AKR1C3: variants seen among roughly 807,000 people sequenced by gnomAD.
AKR1C3 encodes aldo-keto reductase family 1 member C3.
AKR1C3 carries 48 observed loss-of-function variants against 43.6 expected under a neutral mutation model. That is an observed-to-expected ratio of 1.10 (90% CI 0.87 to 1.40). The LOEUF (loss-of-function observed/expected upper bound fraction) is 1.40, where lower values mean the gene tolerates loss of function less well. AKR1C3 is among the 40% of genes most tolerant of loss of function. The pLI is 0.00. For missense variants in AKR1C3, 482 were observed against 391.2 expected (o/e 1.23, Z -1.96); for synonymous variants, 162 against 139.6 (o/e 1.16, Z -1.13).
chr10:5,095,021 A>G (rs1203082905), intron 1 of AKR1C3, among the ~76,000 whole-genome samples: 1 of 152,122 alleles, frequency 6.6e-6, no homozygotes, highest in East Asian at 1.9e-4. Context: ...CCGGACCTGG[A>G]CTAGAGTTTC....
intron 7 of AKR1C3, 141 bp downstream of exon 7, chr10:5,102,791 G>T (rs1379409376): frequency 1.4e-6 from 2 of 1,474,736 alleles, no homozygotes; most frequent in Admixed American, 2.4e-5. Context: ...CATCCTGAGG[G>T]TTTCTTCTAC....
At chr10:5,091,206 A>AG (rs1839081208), upstream of AKR1C3, among the ~76,000 whole-genome samples, 1 of 151,686 alleles carries the variant, frequency 6.6e-6, no homozygotes, top group South Asian at 2.1e-4. Context: ...CTTAGCAGAG[A>AG]GAAAAAAAAC....
intron 1 of AKR1C3, among the ~76,000 whole-genome samples, chr10:5,085,391 T>C (rs1554782964): frequency 6.6e-6 from 1 of 152,060 alleles, no homozygotes; most frequent in African/African-American, 2.4e-5. Context: ...TTGATTTGCA[T>C]ATGTTGAACC....
chr10:5,060,425 C>T (rs1343019927), intron 1 of AKR1C3, among the ~76,000 whole-genome samples: 21 of 152,318 alleles, frequency 1.4e-4, no homozygotes, highest in African/African-American at 4.3e-4. Context: ...CACAAAGGTT[C>T]TCCAAGTCCC....
At chr10:5,107,420 T>C (rs112181868) in intron 8 of AKR1C3, 41 bp from the exon 9 acceptor site, 4 of 1,344,080 alleles carry the variant, frequency 3.0e-6, no homozygotes, top group Non-Finnish European at 4.3e-6. Flanking sequence ...CCCCTAGTAA[T>C]GGAGTCATTG....
rs533964776 is a variant in AKR1C3 at position 5,064,486 on chromosome 10, A to G, written c.84+15591A>G. Among the ~76,000 whole-genome samples, 3 of 152,338 alleles carry G rather than the reference A, an allele frequency of 2.0e-5. No individual in the cohort carries two copies. In the South Asian group the frequency reaches 6.2e-4, roughly 32 times the overall value. Reference sequence around the variant, plus strand: ...AATAGGCCCTGGCAAAGATTTCATGATGAAGACACCAAAAGCAATTGCAAG... The same window carrying G: ...AATAGGCCCTGGCAAAGATTTCATGGTGAAGACACCAAAAGCAATTGCAAG... On this transcript the variant is annotated intron_variant, in intron 1 of 8. Coordinates refer to the AKR1C3 transcript ENST00000439082.
chr10:5,099,686 C>T (rs1050334198), intron 5 of AKR1C3: 1 of 631,532 alleles, frequency 1.6e-6, no homozygotes. Context: ...AGGGGAGGTC[C>T]ATTTGATCAG....
intron 1 of AKR1C3, among the ~76,000 whole-genome samples, chr10:5,053,134 G>A (rs916812415): frequency 7.2e-5 from 11 of 152,252 alleles, no homozygotes; most frequent in Non-Finnish European, 1.5e-4. Context: ...CCAGTCCCGT[G>A]CCATGCGCCC....
chr10:5,063,648 G>T (rs373894039), intron 1 of AKR1C3, among the ~76,000 whole-genome samples: 1 of 150,850 alleles, frequency 6.6e-6, no homozygotes, highest in Non-Finnish European at 1.5e-5. Flanking sequence ...TAAGCCAGGT[G>T]TAGTGGTGCA....
chr10:5,064,467 C>T (rs1201079171), intron 1 of AKR1C3, among the ~76,000 whole-genome samples: 2 of 152,114 alleles, frequency 1.3e-5, no homozygotes, highest in East Asian at 1.9e-4. Flanking sequence ...CTGAAATAGG[C>T]CCTGGCAAAG....
At chr10:5,097,903 C>T in intron 3 of AKR1C3, 1 of 1,085,982 alleles carries the variant, frequency 9.2e-7, no homozygotes, top group Non-Finnish European at 1.1e-6. Context: ...AAAACTGCTG[C>T]ACATGTGATG....
At chr10:5,050,155 C>T (rs1340764266) in intron 1 of AKR1C3, among the ~76,000 whole-genome samples, 3 of 152,232 alleles carry the variant, frequency 2.0e-5, no homozygotes, top group Non-Finnish European at 2.9e-5. Flanking sequence ...TATGGAATTG[C>T]TCACTAAATC....
chr10:5,059,025 C>G (rs577499930), intron 1 of AKR1C3, among the ~76,000 whole-genome samples: 1 of 152,280 alleles, frequency 6.6e-6, no homozygotes, highest in South Asian at 2.1e-4. Flanking sequence ...AGAGTGACAC[C>G]TTTTGTCTTT....
intron 1 of AKR1C3, among the ~76,000 whole-genome samples, chr10:5,088,352 G>C (rs1361348214): frequency 2.6e-5 from 4 of 151,872 alleles, no homozygotes; most frequent in Non-Finnish European, 4.4e-5. Context: ...TCATATTCCA[G>C]CTTAAGTCCA....
upstream of AKR1C3, chr10:5,094,355 G>C: frequency 1.2e-6 from 1 of 851,916 alleles, no homozygotes; most frequent in East Asian, 3.8e-5. Flanking sequence ...CAGTTTGCAG[G>C]GGTGGGGGGA....
chr10:5,104,136 C>T (rs587740699), intron 7 of AKR1C3, among the ~76,000 whole-genome samples: 4 of 152,194 alleles, frequency 2.6e-5, no homozygotes, highest in South Asian at 4.1e-4. Flanking sequence ...TTAAATTATT[C>T]ATGCCTCTTT....
intron 1 of AKR1C3, among the ~76,000 whole-genome samples, chr10:5,075,474 A>AG (rs1438941977): frequency 5.5e-5 from 2 of 36,536 alleles, no homozygotes; most frequent in African/African-American, 4.7e-4. Context: ...GTCATAAATA[A>AG]GTTTTTTTTA....
At chr10:5,105,798 G>A in intron 8 of AKR1C3, 121 bp downstream of exon 8, 1 of 736,784 alleles carries the variant, frequency 1.4e-6, no homozygotes, top group African/African-American at 1.8e-5. Flanking sequence ...GGTGAGACTG[G>A]AACTCTCCTG....
intron 8 of AKR1C3, among the ~76,000 whole-genome samples, chr10:5,106,018 T>C (rs1483529208): frequency 6.6e-6 from 1 of 152,214 alleles, no homozygotes; most frequent in Non-Finnish European, 1.5e-5. Context: ...TGTTTCCAAA[T>C]CTGTGCTTAT....
Sources: gnomAD v4.1 joint callset for allele counts (sites outside exome capture counted in the v4.1 genomes callset) on GRCh38, gnomAD v4.1.1 for gene constraint, MANE v1.5 for transcripts, NCBI Gene and HGNC (gene_info 2026-07-23, HGNC 2026-07-21) for gene names.